Variants in GALNTL6 observed in about 807,000 individuals in gnomAD.
GALNTL6 encodes the protein polypeptide N-acetylgalactosaminyltransferase-like 6.
A neutral mutation model predicts 73.7 loss-of-function variants in GALNTL6; 46 were observed. The ratio of observed to expected loss-of-function variants is 0.62; its 90% CI spans 0.49 to 0.80. The LOEUF (loss-of-function observed/expected upper bound fraction) is 0.80. Ranked by LOEUF, GALNTL6 falls within the 30% of genes least tolerant of loss-of-function variation. The pLI is 0.00. For missense variants in GALNTL6, 604 were observed against 755.0 expected, an observed-to-expected ratio of 0.80 and a Z score of 2.34; for synonymous variants, 259 against 263.7, an observed-to-expected ratio of 0.98 and a Z score of 0.17.
intron 2 of GALNTL6, among the ~76,000 whole-genome samples, chr4:171,836,718 C>T (rs984679169): frequency 1.3e-5 from 2 of 152,082 alleles, no homozygotes; most frequent in African/African-American, 2.4e-5. Context: ...TCGTGATTGT[C>T]ACTGACTACC....
chr4:172,819,456 T>A (rs534711510), intron 7 of GALNTL6, among the ~76,000 whole-genome samples: 13 of 152,314 alleles, frequency 8.5e-5, no homozygotes, highest in African/African-American at 2.9e-4. Flanking sequence ...ACAATTCAAC[T>A]TATTTTTACA....
intron 5 of GALNTL6, among the ~76,000 whole-genome samples, chr4:172,411,641 G>A (rs1332397738): frequency 6.6e-6 from 1 of 151,898 alleles, no homozygotes; most frequent in Non-Finnish European, 1.5e-5. Context: ...CAGCACACTG[G>A]AATATACAGA....
chr4:172,910,754 G>A (rs140875098), intron 8 of GALNTL6, among the ~76,000 whole-genome samples: 76 of 152,314 alleles, frequency 5.0e-4, no homozygotes, highest in African/African-American at 1.7e-3. Context: ...GAGAATGAGC[G>A]ATTTGTTGAA....
intron 2 of GALNTL6, among the ~76,000 whole-genome samples, chr4:171,857,330 A>G (rs372566937): frequency 1.3e-5 from 2 of 152,204 alleles, no homozygotes; most frequent in East Asian, 1.9e-4. Flanking sequence ...TGCTCAGTGA[A>G]CAATGCACTA....
chr4:171,916,755 A>G (rs1385909599), intron 2 of GALNTL6, among the ~76,000 whole-genome samples: 1 of 152,008 alleles, frequency 6.6e-6, no homozygotes, highest in Non-Finnish European at 1.5e-5. Context: ...AAATGCAGGG[A>G]ATTATAATAT....
At chr4:172,387,045 A>C (rs1028462699) in intron 5 of GALNTL6, among the ~76,000 whole-genome samples, 3 of 152,164 alleles carry the variant, frequency 2.0e-5, no homozygotes, top group South Asian at 4.1e-4. Context: ...ACTTCAATCC[A>C]GTCAAGGTGA....
intron 8 of GALNTL6, among the ~76,000 whole-genome samples, chr4:172,909,681 TAGTTAAAAGTGGTACAACC>T (rs1350573493): frequency 1.3e-5 from 2 of 152,126 alleles, no homozygotes; most frequent in Non-Finnish European, 2.9e-5. Flanking sequence ...TCAGTCACTG[TAGTTAAAAGTGGTACAACC>T]TCTAGTTGGA....
At chr4:172,115,046 G>A (rs1309502514) in intron 2 of GALNTL6, among the ~76,000 whole-genome samples, 2 of 152,070 alleles carry the variant, frequency 1.3e-5, no homozygotes, top group Non-Finnish European at 2.9e-5. Flanking sequence ...TACATGCTTT[G>A]CATAATGAGA....
At chr4:172,719,305 C>G (rs1487740990) in intron 5 of GALNTL6, among the ~76,000 whole-genome samples, 1 of 152,040 alleles carries the variant, frequency 6.6e-6, no homozygotes, top group Non-Finnish European at 1.5e-5. Context: ...CAGAAAAACC[C>G]GAGTTTTAAT....
At chr4:172,535,469 G>A (rs529981559) in intron 5 of GALNTL6, among the ~76,000 whole-genome samples, 42 of 152,200 alleles carry the variant, frequency 2.8e-4, no homozygotes, top group Admixed American at 2.4e-3. Flanking sequence ...ATTTTCCAGC[G>A]ACTTAACAAC....
At chr4:171,904,355 C>T (rs1165193475) in intron 2 of GALNTL6, among the ~76,000 whole-genome samples, 1 of 152,070 alleles carries the variant, frequency 6.6e-6, no homozygotes, top group Non-Finnish European at 1.5e-5. Context: ...ATGCAGAAGC[C>T]TCAGGAGCCG....
At chr4:172,270,885 CAAACA>C (rs966485118) in intron 3 of GALNTL6, among the ~76,000 whole-genome samples, 6 of 151,986 alleles carry the variant, frequency 3.9e-5, no homozygotes, top group African/African-American at 1.4e-4. Flanking sequence ...CCAAGAAAAT[CAAACA>C]AAACAAAACA....
At chr4:171,854,968 G>GCTTT (rs1223083207) in intron 2 of GALNTL6, among the ~76,000 whole-genome samples, 3 of 152,096 alleles carry the variant, frequency 2.0e-5, no homozygotes, top group Non-Finnish European at 4.4e-5. Context: ...CGACATCCTG[G>GCTTT]CTTTATTCTG....
At chr4:172,716,481 T>C (rs1213937282) in intron 5 of GALNTL6, among the ~76,000 whole-genome samples, 2 of 112,842 alleles carry the variant, frequency 1.8e-5, no homozygotes, top group African/African-American at 3.3e-5. Flanking sequence ...CCTCGATGAC[T>C]GACGCCCAGA....
At chr4:172,039,803 C>A (rs1268267917) in intron 2 of GALNTL6, among the ~76,000 whole-genome samples, 1 of 152,028 alleles carries the variant, frequency 6.6e-6, no homozygotes, top group African/African-American at 2.4e-5. Flanking sequence ...AAGGGATAAA[C>A]CTCAGGACAA....
intron 5 of GALNTL6, among the ~76,000 whole-genome samples, chr4:172,678,922 GC>G (rs1283893272): frequency 7.2e-5 from 11 of 152,266 alleles, no homozygotes; most frequent in Middle Eastern, 3.4e-3. Context: ...ATACATTGTA[GC>G]CTTTTTGGAG....
chr4:172,838,641 G>C (rs749543540), intron 7 of GALNTL6, among the ~76,000 whole-genome samples: 4 of 152,092 alleles, frequency 2.6e-5, no homozygotes, highest in Non-Finnish European at 4.4e-5. Flanking sequence ...TCTGGGAAAC[G>C]AAACAGGTGC....
chr4:172,393,780 T>C (rs1743751583), intron 5 of GALNTL6, among the ~76,000 whole-genome samples: 2 of 152,180 alleles, frequency 1.3e-5, no homozygotes, highest in Admixed American at 6.6e-5. Context: ...TTTACTTCTG[T>C]AATGTCTTAA....
intron 12 of GALNTL6, among the ~76,000 whole-genome samples, chr4:173,022,130 A>AGAAG (rs1753035975): frequency 8.1e-6 from 1 of 124,064 alleles, no homozygotes; most frequent in African/African-American, 3.0e-5. Context: ...AAGGAAGGAA[A>AGAAG]GAAGGAAGGA....
Sources: allele counts gnomAD v4.1 joint callset (sites outside exome capture counted in the v4.1 genomes callset), GRCh38; gene constraint gnomAD v4.1.1; transcripts MANE v1.5; gene names NCBI Gene and HGNC (gene_info 2026-07-23, HGNC 2026-07-21).